Variants in NPAS1 observed in about 807,000 individuals in gnomAD.
NPAS1 encodes the protein neuronal PAS domain protein 1, also known as neuronal PAS domain-containing protein 1.
A neutral mutation model predicts 49.2 loss-of-function variants in NPAS1; 29 were observed. That is an observed-to-expected ratio of 0.59 (90% CI 0.44 to 0.80). The LOEUF is 0.80. NPAS1 is among the 30% of genes least tolerant of loss of function. The pLI, the probability that NPAS1 is intolerant of heterozygous loss-of-function variation, is 0.00. For missense variants in NPAS1, 825 were observed against 835.5 expected, an observed-to-expected ratio of 0.99 and a Z score of 0.15; for synonymous variants, 408 against 380.4, an observed-to-expected ratio of 1.07 and a Z score of -0.84.
intron 1 of NPAS1, 122 bp from the exon 2 acceptor site, chr19:47,020,884 C>T: frequency 2.2e-6 from 1 of 456,306 alleles, no homozygotes; most frequent in Non-Finnish European, 3.7e-6. Flanking sequence ...GAAACTGAGG[C>T]ATCATCCAGG....
In NPAS1 at chr19:47,042,011, A is replaced by AAAAAAGG. The variant is rs1568510776; in HGVS notation, c.1218-795_1218-794insAGGAAAA. Reference sequence around the variant, plus strand: ...AAAAAAAAAAAAAAAAAAAAAAGGAAAAAACACCCTTCTAGGCCAGGCACA... The same window carrying AAAAAAGG: ...AAAAAAAAAAAAAAAAAAAAAAGGAAAAAAAGGAAAACACCCTTCTAGGCCAGGCACA... On this transcript the variant is annotated intron_variant, in intron 10 of 11. Coordinates refer to ENST00000602212, the MANE Select transcript of NPAS1 (RefSeq NM_002517.4). Among the ~76,000 whole-genome samples the AAAAAAGG allele has an allele frequency of 1.3e-3, 110 of 86,698 alleles. 9 individuals carry two copies. The South Asian group carries it at 0.019, about 15-fold the overall frequency. The allele number at this position is 86,698 out of a possible 152,430, so 56.9% of individuals were successfully genotyped here.
chr19:47,021,234 T>C lies in NPAS1; in HGVS notation c.122+65T>C. The stretch of plus-strand genomic sequence containing the variant: ...CGGGTCCAATTCACACCCGATGTTC[T>C]GTCCCCGTGCCAAGGGGCAGTTCAC... On this transcript the variant is annotated intron_variant, in intron 2 of 11. Coordinates refer to ENST00000602212, the MANE Select transcript of NPAS1 (RefSeq NM_002517.4). The surrounding 1 kb of genome is among the most constrained non-coding windows in gnomAD (Gnocchi z 5.7). 7.2e-7 allele frequency: 1 copy of C among 1,396,446 alleles called. No homozygotes were observed. Among genetic ancestry groups the C allele is most frequent in the South Asian group, 1.4e-5 (1 of 69,616 alleles). The allele number at this position is 1,396,446 out of a possible 1,614,324, so 86.5% of individuals were successfully genotyped here. A position where few individuals can be genotyped will look rare whatever the true frequency, so the allele number is the denominator to read the frequency against.
At chr19:47,044,138 A>G (rs1024080827) in intron 11 of NPAS1, among the ~76,000 whole-genome samples, 13 of 152,176 alleles carry the variant, frequency 8.5e-5, no homozygotes, top group Non-Finnish European at 1.9e-4. Flanking sequence ...CAATAGCACA[A>G]TCTCGGCTCA....
chr19:47,024,809 CTTTTTT>C, intron 3 of NPAS1, among the ~76,000 whole-genome samples: 1 of 133,600 alleles, frequency 7.5e-6, no homozygotes. Flanking sequence ...TTCCCTATTG[CTTTTTT>C]TTTTTTTTTT....
intron 5 of NPAS1, chr19:47,035,740 G>T: frequency 1.9e-6 from 1 of 517,964 alleles, no homozygotes. Flanking sequence ...AGAGTGGGCG[G>T]GGAAAAATCC....
At chr19:47,041,234 G>A in intron 10 of NPAS1, 109 bp downstream of exon 10, 1 of 1,091,082 alleles carries the variant, frequency 9.2e-7, no homozygotes, top group Non-Finnish European at 1.2e-6. Context: ...CAAGCCCAGG[G>A]GGTCTGCAGA....
At chr19:47,044,293 G>A (rs941778036) in intron 11 of NPAS1, among the ~76,000 whole-genome samples, 3 of 152,002 alleles carry the variant, frequency 2.0e-5, no homozygotes, top group African/African-American at 4.8e-5. Flanking sequence ...GGCTGGTCTC[G>A]AACTCCTGAC....
intron 3 of NPAS1, among the ~76,000 whole-genome samples, chr19:47,030,976 G>C (rs2056901636): frequency 6.6e-6 from 1 of 151,982 alleles, no homozygotes; most frequent in Non-Finnish European, 1.5e-5. Flanking sequence ...TTGTTGTTGA[G>C]TTGTAGAATC....
chr19:47,023,282 G>C (rs553423224), intron 3 of NPAS1, among the ~76,000 whole-genome samples: 3 of 152,106 alleles, frequency 2.0e-5, no homozygotes, highest in East Asian at 1.9e-4. Context: ...GGAAAGGGGG[G>C]GCTAAGAGAG....
At chr19:47,043,768 A>G (rs1335531721) in intron 11 of NPAS1, among the ~76,000 whole-genome samples, 1 of 150,014 alleles carries the variant, frequency 6.7e-6, no homozygotes, top group Non-Finnish European at 1.5e-5. Context: ...AAAAAATAAA[A>G]TAAAATAAAA....
intron 3 of NPAS1, among the ~76,000 whole-genome samples, chr19:47,027,854 G>A (rs967749659): frequency 5.3e-5 from 8 of 152,164 alleles, no homozygotes; most frequent in Admixed American, 1.3e-4. Flanking sequence ...ATGGGAGGGC[G>A]GATGTGGAAG....
chr19:47,045,633 G>A lies in NPAS1; in HGVS notation c.1755G>A (p.Leu585=). The A allele has an allele frequency of 7.0e-7, 1 of 1,427,580 alleles. No individual in the cohort carries two copies. The highest frequency in any genetic ancestry group is 9.1e-7 in the Non-Finnish European group (1 of 1,102,208). The allele number at this position is 1,427,580 out of a possible 1,614,324, so 88.4% of individuals were successfully genotyped here. ...LPYPGPAGTR[L]PRKGD The stretch of plus-strand genomic sequence containing the variant: ...ACCCGGGGCCCGCGGGCACCAGGCT[G>A]CCGCGGAAGGGGGACTGAGGACTGG... Residue 585 remains leucine, a synonymous_variant, in exon 12 of 12, where the codon CTG becomes CTA. Coordinates refer to ENST00000602212, the MANE Select transcript of NPAS1 (RefSeq NM_002517.4).
At position 47,045,068 on chromosome 19, in the gene NPAS1, A is replaced by AT. The variant is rs939609582; in HGVS notation, c.1313-123_1313-122insT. Reference sequence around the variant, plus strand: ...AAACAAAAACAAAACAAACAAACAAAAAAAAAAACCCCACTCCCAGCTGAG... The same window carrying AT: ...AAACAAAAACAAAACAAACAAACAAATAAAAAAAACCCCACTCCCAGCTGAG... On this transcript the variant is annotated intron_variant, in intron 11 of 11. Coordinates refer to ENST00000602212, the MANE Select transcript of NPAS1 (RefSeq NM_002517.4). 1.6e-4 allele frequency: 145 copies of AT among 932,970 alleles called. 1 individual carries two copies. Among genetic ancestry groups the AT allele is most frequent in the Non-Finnish European group, 2.1e-4 (133 of 625,852 alleles). 57.8% of individuals were successfully genotyped at this position (932,970 alleles called of 1,614,324 possible). A position where few individuals can be genotyped will look rare whatever the true frequency, so the allele number is the denominator to read the frequency against.
chr19:47,025,816 T>C (rs966139359), intron 3 of NPAS1, among the ~76,000 whole-genome samples: 16 of 151,928 alleles, frequency 1.1e-4, no homozygotes, highest in African/African-American at 3.1e-4. Flanking sequence ...ATCAAGTGAT[T>C]TGCCAACCTT....
chr19:47,038,549 A>T (rs1244730314), intron 6 of NPAS1, among the ~76,000 whole-genome samples: 2 of 151,434 alleles, frequency 1.3e-5, no homozygotes, highest in Non-Finnish European at 2.9e-5. Flanking sequence ...GGATGGGACC[A>T]GACATGGTGG....
chr19:47,024,578 G>A (rs531463866), intron 3 of NPAS1, among the ~76,000 whole-genome samples: 1 of 152,316 alleles, frequency 6.6e-6, no homozygotes, highest in Admixed American at 6.5e-5. Context: ...TTACAGAAGT[G>A]TGTGCCCAAG....
intron 4 of NPAS1, 117 bp from the exon 5 acceptor site, chr19:47,032,526 C>T: frequency 8.8e-7 from 1 of 1,139,878 alleles, no homozygotes. Context: ...GCCCCCTCCC[C>T]ACCAAAACAG....
rs373405603 is a variant in NPAS1 at position 47,022,540 on chromosome 19, C to G, written c.358+693C>G. ...AAGTGCCTAGCTCAGAGCAAGCCACCGCTATGCGGCCAATGCTGTTATCAG... is the reference window on the plus strand; with the variant it reads ...AAGTGCCTAGCTCAGAGCAAGCCACGGCTATGCGGCCAATGCTGTTATCAG... On this transcript the variant is annotated intron_variant, in intron 3 of 11. Transcript: ENST00000602212. 5.3e-5 allele frequency among the ~76,000 whole-genome samples: 8 copies of G among 151,772 alleles called. No individual in the cohort carries two copies. In the East Asian group the frequency reaches 1.4e-3, roughly 26 times the overall value.
rs1344809370 is a variant in NPAS1, at chr19:47,045,492, A to G, written c.1614A>G (p.Thr538=). The change falls in exon 12 of 12, where the codon ACA becomes ACG. Residue 538 remains threonine (T), a synonymous_variant. Coordinates refer to ENST00000602212, the MANE Select transcript of NPAS1 (RefSeq NM_002517.4). ...CGCCGGTGGTGCGGGGCCTGTGCAC[A>G]CCCGGCACCATCCGCTACGGCCCCG... is the stretch of plus-strand genomic sequence containing the variant. ...FLPPVVRGLC[T]PGTIRYGPAE... is the part of the protein sequence containing the mutation. The G allele has an allele frequency of 1.3e-6, 2 of 1,559,346 alleles. No individual in the cohort carries two copies. The highest frequency in any genetic ancestry group is 1.7e-6 in the Non-Finnish European group (2 of 1,157,386).
Sources: allele counts gnomAD v4.1 joint callset (sites outside exome capture counted in the v4.1 genomes callset), GRCh38; gene constraint gnomAD v4.1.1; non-coding constraint Gnocchi (gnomAD v3.1); transcripts MANE v1.5; gene names NCBI Gene and HGNC (gene_info 2026-07-23, HGNC 2026-07-21).